Variants in RAB40C observed in about 807,000 individuals in gnomAD.
The protein encoded by RAB40C is ras-related protein Rab-40C.
Under a neutral mutation model 28.1 loss-of-function variants are expected in RAB40C, and 8 were observed. That is an observed-to-expected ratio of 0.28 (90% CI 0.17 to 0.51). The LOEUF is 0.51. RAB40C is among the 20% of genes least tolerant of loss of function. The pLI, the probability that RAB40C is intolerant of heterozygous loss-of-function variation, is 0.97. For synonymous variants in RAB40C, 201 were observed against 171.7 expected, an observed-to-expected ratio of 1.17 and a Z score of -1.34; for missense variants, 288 against 405.9, an observed-to-expected ratio of 0.71 and a Z score of 2.50.
At chr16:605,068 A>G (rs952957372) in intron 1 of RAB40C, among the ~76,000 whole-genome samples, 2 of 152,088 alleles carry the variant, frequency 1.3e-5, no homozygotes, top group African/African-American at 4.8e-5. Flanking sequence ...AAAAAAATAA[A>G]TAAATTAGCC....
At chr16:625,111 T>TC in intron 3 of RAB40C, 1 of 1,324,346 alleles carries the variant, frequency 7.6e-7, no homozygotes, top group Non-Finnish European at 9.9e-7. Context: ...CAGCTGCACG[T>TC]CCCCCGGCTG....
At chr16:591,717 G>T (rs572524598) in intron 1 of RAB40C, among the ~76,000 whole-genome samples, 1 of 151,362 alleles carries the variant, frequency 6.6e-6, no homozygotes, top group Admixed American at 6.6e-5. Context: ...TCAGCCTCCC[G>T]AGTAGCTGGG....
chr16:591,351 T>C (rs374188422), intron 1 of RAB40C, among the ~76,000 whole-genome samples: 6 of 151,386 alleles, frequency 4.0e-5, no homozygotes, highest in African/African-American at 7.3e-5. Flanking sequence ...GAAGGTGTTA[T>C]AGATCTGGGG....
rs768131555 is a variant in RAB40C at position 625,525 on chromosome 16, G to C, written c.342+16G>C. ...GATCGATGAGGTAGGCCTGGGTCCG[G>C]GGAGCCCTCCCGGGGAAGGCAGGCT... On this transcript the variant is annotated intron_variant, in intron 4 of 5. Transcript: ENST00000248139. 5 of 1,612,396 alleles carry C rather than the reference G, an allele frequency of 3.1e-6. No homozygotes were observed. In the South Asian group the frequency reaches 5.5e-5, roughly 18 times the overall value.
chr16:589,952 C>A (rs1195770015), upstream of RAB40C: 1 of 144,526 alleles, frequency 6.9e-6, no homozygotes, highest in African/African-American at 2.6e-5. Flanking sequence ...GGTCTGGCGG[C>A]GCCGTGTGGA....
At chr16:617,380 GC>G in intron 2 of RAB40C, 112 bp downstream of exon 2, 1 of 1,289,000 alleles carries the variant, frequency 7.8e-7, no homozygotes, top group Non-Finnish European at 1.1e-6. Context: ...ACTTGGAAGA[GC>G]CACTTACACA....
intron 1 of RAB40C, among the ~76,000 whole-genome samples, chr16:615,284 C>T (rs1380204413): frequency 6.6e-6 from 1 of 152,186 alleles, no homozygotes; most frequent in Non-Finnish European, 1.5e-5. Context: ...GGTGGAAGCG[C>T]TGATGCCTGA....
rs2036860018 is a variant in RAB40C, at chr16:627,338, A to G, written c.566-4A>G. ...CATGGTCTGACACCCCCTCTGCCCC[A>G]CAGTGTTCAGCCTGCAGGACCTCTG... On this transcript the variant is annotated splice_polypyrimidine_tract_variant and splice_region_variant and intron_variant, in intron 5 of 5. Coordinates refer to ENST00000248139, the MANE Select transcript of RAB40C (RefSeq NM_021168.5). 10 of 1,609,042 alleles carry G rather than the reference A, an allele frequency of 6.2e-6. No individual in the cohort carries two copies. Among genetic ancestry groups the G allele is most frequent in the Non-Finnish European group, 7.6e-6 (9 of 1,177,770 alleles).
intron 3 of RAB40C, among the ~76,000 whole-genome samples, chr16:620,451 C>T (rs1029523358): frequency 6.6e-5 from 10 of 152,168 alleles, no homozygotes; most frequent in African/African-American, 2.2e-4. Flanking sequence ...TCTTGTCTTC[C>T]TTTTGCTTTT....
intron 3 of RAB40C, among the ~76,000 whole-genome samples, chr16:622,740 G>A (rs1013113052): frequency 6.6e-6 from 1 of 152,162 alleles, no homozygotes; most frequent in Admixed American, 6.5e-5. Flanking sequence ...TCTTGACCTC[G>A]TGATCCGCCT....
At chr16:613,606 A>G (rs559386103) in intron 1 of RAB40C, among the ~76,000 whole-genome samples, 1 of 152,290 alleles carries the variant, frequency 6.6e-6, no homozygotes, top group South Asian at 2.1e-4. Context: ...ATGCCTTTTC[A>G]CTGCTTCTTG....
intron 1 of RAB40C, among the ~76,000 whole-genome samples, chr16:591,116 G>C (rs939171425): frequency 6.6e-6 from 1 of 150,890 alleles, no homozygotes; most frequent in African/African-American, 2.4e-5. Flanking sequence ...ATCATCTGGG[G>C]TCCGAGGGAA....
intron 1 of RAB40C, among the ~76,000 whole-genome samples, chr16:594,818 CTTTTTT>C (rs1006905623): frequency 7.7e-6 from 1 of 130,326 alleles, no homozygotes. Context: ...GCTCGTCTTC[CTTTTTT>C]TTTTTTTTTT....
chr16:623,636 C>CAAAAA (rs781008758), intron 3 of RAB40C, among the ~76,000 whole-genome samples: 1 of 98,222 alleles, frequency 1.0e-5, no homozygotes. Context: ...GACTCCGTCT[C>CAAAAA]AAAAAAAAAA....
rs1001960800 is a variant in RAB40C, at chr16:610,254, G to A, written c.143-6954G>A. Among the ~76,000 whole-genome samples the A allele has an allele frequency of 2.6e-5, 4 of 152,244 alleles. No homozygotes were observed. The highest frequency in any genetic ancestry group is 2.1e-4 in the South Asian group (1 of 4,822). On this transcript the variant is annotated intron_variant, in intron 1 of 5. Coordinates refer to ENST00000248139, the MANE Select transcript of RAB40C (RefSeq NM_021168.5). This position sits in a 1 kb window ranked among gnomAD's most constrained non-coding sequence, Gnocchi z 4.6. ...GGTCAGAGCGCCTGTCCTGTGGAGC[G>A]GCTCTGACCAGGACAGTGCCGTGTG... is the stretch of plus-strand genomic sequence containing the variant.
At chr16:608,714 G>C (rs2036417488) in intron 1 of RAB40C, among the ~76,000 whole-genome samples, 1 of 152,010 alleles carries the variant, frequency 6.6e-6, no homozygotes, top group African/African-American at 2.4e-5. Context: ...TACAAAAAAT[G>C]CAAAAAAAAT....
intron 1 of RAB40C, among the ~76,000 whole-genome samples, chr16:611,334 C>T (rs897092608): frequency 1.3e-5 from 2 of 152,210 alleles, no homozygotes; most frequent in African/African-American, 4.8e-5. Context: ...TTGCTGGCGC[C>T]TGCCTGCTTG....
At chr16:626,157 C>G (rs750413803) in intron 5 of RAB40C, 36 bp downstream of exon 5, 1 of 1,568,342 alleles carries the variant, frequency 6.4e-7, no homozygotes, top group Non-Finnish European at 8.8e-7. Context: ...CTGAGGTCCC[C>G]GAACCTGGGC....
intron 2 of RAB40C, 74 bp from the exon 3 acceptor site, chr16:618,126 C>T (rs770549449): frequency 6.2e-5 from 90 of 1,440,454 alleles, no homozygotes; most frequent in African/African-American, 1.7e-4. Flanking sequence ...CCAGGTGGGT[C>T]GGCAGAGGAG....
Sources: allele counts gnomAD v4.1 joint callset (sites outside exome capture counted in the v4.1 genomes callset), GRCh38; gene constraint gnomAD v4.1.1; non-coding constraint Gnocchi (gnomAD v3.1); transcripts MANE v1.5; gene names NCBI Gene and HGNC (gene_info 2026-07-23, HGNC 2026-07-21).